Variants in ZNF14 observed in about 807,000 individuals in gnomAD.
The protein encoded by ZNF14 is gonadotropin inducible transcription repressor-4.
A neutral mutation model predicts 11.3 loss-of-function variants in ZNF14; 9 were observed. That is an observed-to-expected ratio of 0.80 (90% CI 0.48 to 1.39). The LOEUF (loss-of-function observed/expected upper bound fraction) is 1.39, where lower values mean the gene tolerates loss of function less well. Among genes scored for constraint, ZNF14 ranks in the 40% most tolerant of loss-of-function variants. The pLI is 0.00. For missense variants in ZNF14, 711 were observed against 763.9 expected, an observed-to-expected ratio of 0.93 and a Z score of 0.82; for synonymous variants, 239 against 245.7, an observed-to-expected ratio of 0.97 and a Z score of 0.25.
intron 1 of ZNF14, among the ~76,000 whole-genome samples, chr19:19,727,160 G>A (rs2062408688): frequency 7.5e-6 from 1 of 133,616 alleles, no homozygotes; most frequent in Non-Finnish European, 1.7e-5. Flanking sequence ...CTCATGCAGG[G>A]AGCTGTAGAC....
In ZNF14 at chr19:19,712,000, G is replaced by C. The variant is rs1261899358; in HGVS notation, c.1281C>G (p.Thr427=). ...TTTGAAGGGAACTTGAAAAACTGAA[G>C]GTTTTACCACATTGTTTACATTCAT... The part of the protein sequence containing the change: ...KPYECKQCGK[T]FSFSSSLQRH... The change falls in exon 4 of 4, where the codon ACC becomes ACG. Residue 427 remains threonine, a synonymous_variant. Coordinates refer to ENST00000344099, the MANE Select transcript of ZNF14 (RefSeq NM_021030.3). 2 of 1,613,564 alleles carry C rather than the reference G, an allele frequency of 1.2e-6. No homozygotes were observed. Among genetic ancestry groups the C allele is most frequent in the East Asian group, 4.5e-5 (2 of 44,848 alleles).
rs1179919887 is a variant in ZNF14 at position 19,727,301 on chromosome 19, C to A, written c.3+5655G>T. Among the ~76,000 whole-genome samples, 2 of 133,832 alleles carry A rather than the reference C, an allele frequency of 1.5e-5. 1 individual carries two copies. Among genetic ancestry groups the A allele is most frequent in the African/African-American group, 5.5e-5 (2 of 36,190 alleles). The allele number at this position is 133,832 out of a possible 152,430, so 87.8% of individuals were successfully genotyped here. On this transcript the variant is annotated intron_variant, in intron 1 of 3. Transcript: ENST00000344099. ...ATTAATATAAAACATAGGATTGACA[C>A]AAATAGACTAAAATAGTTAATTTTT...
rs1043692021 is a variant in ZNF14, at chr19:19,712,816, G to A, written c.465C>T (p.Cys155=). 5.0e-6 allele frequency: 8 copies of A among 1,614,050 alleles called. No homozygotes were observed. The African/African-American group carries it at 8.0e-5, about 16-fold the overall frequency. The change falls in exon 4 of 4, where the codon TGC becomes TGT. Residue 155 remains cysteine, a synonymous_variant. Transcript: ENST00000344099. ...TGTGAGTTCTTTCATGTTTGCGAAA[G>A]CAGTGGTGATAACTGAAGGTTTTCC... The part of the protein sequence containing the change: ...AVGKTFSYHH[C]FRKHERTHTG...
intron 1 of ZNF14, among the ~76,000 whole-genome samples, chr19:19,726,768 C>T (rs557217857): frequency 1.5e-5 from 2 of 133,510 alleles, no homozygotes; most frequent in South Asian, 4.9e-4. Flanking sequence ...TGTTTACCTA[C>T]TCAAGCCTCA....
intron 1 of ZNF14, among the ~76,000 whole-genome samples, chr19:19,719,301 A>T (rs147823251): frequency 1.3e-5 from 2 of 152,356 alleles, no homozygotes; most frequent in East Asian, 3.9e-4. Context: ...GAAGGGTATT[A>T]GAGAAAAAAT....
intron 1 of ZNF14, among the ~76,000 whole-genome samples, chr19:19,731,789 C>A (rs1362609834): frequency 6.6e-6 from 1 of 152,098 alleles, no homozygotes; most frequent in Admixed American, 6.5e-5. Flanking sequence ...ACCACTTAGC[C>A]GGGCGCGGTG....
intron 1 of ZNF14, among the ~76,000 whole-genome samples, chr19:19,717,425 C>A (rs1484452239): frequency 6.6e-6 from 1 of 151,968 alleles, no homozygotes; most frequent in Non-Finnish European, 1.5e-5. Context: ...TCTCAGAACC[C>A]CAATATTTAT....
In ZNF14 at chr19:19,712,806, G is replaced by T; in HGVS notation, c.475C>A (p.His159Asn). 1 of 1,614,174 alleles carries T rather than the reference G, an allele frequency of 6.2e-7. No homozygotes were observed. The highest frequency in any genetic ancestry group is 8.5e-7 in the Non-Finnish European group (1 of 1,180,024). The change falls in exon 4 of 4, where the codon CAT becomes AAT. Residue 159 changes from histidine to asparagine, a missense_variant. By Grantham distance (68) the His-to-Asn change is moderately conservative (BLOSUM62 1). Transcript: ENST00000344099. ...TTCACTCCAGTGTGAGTTCTTTCAT[G>T]TTTGCGAAAGCAGTGGTGATAACTG... ...TFSYHHCFRK[H>N]ERTHTGVKPY...
chr19:19,710,543 C>A lies in ZNF14; in HGVS notation c.*809G>T, dbSNP rs1481662615. 1 of 152,120 alleles carries A rather than the reference C, an allele frequency of 6.6e-6. No homozygotes were observed. The highest frequency in any genetic ancestry group is 1.9e-4 in the East Asian group (1 of 5,202). 9.4% of individuals were successfully genotyped at this position (152,120 alleles called of 1,614,324 possible). On this transcript the variant is annotated 3_prime_UTR_variant, in exon 4 of 4. Coordinates refer to ENST00000344099, the MANE Select transcript of ZNF14 (RefSeq NM_021030.3). ...TTCTTATTAAATATAACCTGACAAT[C>A]TTTATTAAATGAAAATATTTTTGTA...
chr19:19,712,691 T>C lies in ZNF14; in HGVS notation c.590A>G (p.Tyr197Cys), dbSNP rs765278993. ...GGTTTTTCCACATTGCTTACATTCA[T>C]AGGGTTTCTGTCCAGCATGAGTCCT... ...HERTHAGQKP[Y>C]ECKQCGKTFI... is the part of the protein sequence containing the mutation. The change falls in exon 4 of 4, where the codon TAT becomes TGT. Residue 197 changes from tyrosine to cysteine, a missense_variant. Physicochemically the swap from Tyr to Cys is radical, Grantham distance 194 (BLOSUM62 -2). Coordinates refer to ENST00000344099, the MANE Select transcript of ZNF14 (RefSeq NM_021030.3). 2.5e-6 allele frequency: 4 copies of C among 1,613,820 alleles called. No individual in the cohort carries two copies. Among genetic ancestry groups the C allele is most frequent in the Non-Finnish European group, 3.4e-6 (4 of 1,179,964 alleles).
In ZNF14 at chr19:19,733,012, C is replaced by A. The variant is rs962997936; in HGVS notation, c.-54G>T. 46 of 1,604,172 alleles carry A rather than the reference C, an allele frequency of 2.9e-5. No individual in the cohort carries two copies. The highest frequency in any genetic ancestry group is 1.7e-4 in the Middle Eastern group (1 of 6,024). The stretch of plus-strand genomic sequence containing the variant: ...CTCCCTACGGATCTGTCAGTACCTG[C>A]AGGTCACGGCGCGACAAAGGATGCG... On this transcript the variant is annotated 5_prime_UTR_variant, in exon 1 of 4. Coordinates refer to ENST00000344099, the MANE Select transcript of ZNF14 (RefSeq NM_021030.3).
chr19:19,728,534 A>AC (rs1185036454), intron 1 of ZNF14, among the ~76,000 whole-genome samples: 3 of 129,344 alleles, frequency 2.3e-5, no homozygotes, highest in Non-Finnish European at 5.1e-5. Context: ...AAAAAAAAAA[A>AC]AACATATACT....
At position 19,711,786 on chromosome 19, in the gene ZNF14, C is replaced by A; in HGVS notation, c.1495G>T (p.Gly499Ter). 1 of 1,613,606 alleles carries A rather than the reference C, an allele frequency of 6.2e-7. No individual in the cohort carries two copies. Among genetic ancestry groups the A allele is most frequent in the East Asian group, 2.2e-5 (1 of 44,876 alleles). ...AGTTTACATTCATAGGGTTTCTCTC[C>A]AGTGTGTGTTCTTTCATGCAGTCGA... ...SFRLHERTHT[G>*]EKPYECKLCG... Residue 499 changes from glycine to a stop codon, truncating the protein, a stop_gained, in exon 4 of 4, where the codon GGA becomes TGA. Coordinates refer to ENST00000344099, the MANE Select transcript of ZNF14 (RefSeq NM_021030.3). LOFTEE classifies it low-confidence loss of function (END_TRUNC).
chr19:19,711,042 G>A lies in ZNF14; in HGVS notation c.*310C>T, dbSNP rs2062357674. Reference sequence around the variant, plus strand: ...GCCTTGCACCTTGGCCTCCCAAAGTGCTGGGACTATAGGCATGAGCCAACA... The same window carrying A: ...GCCTTGCACCTTGGCCTCCCAAAGTACTGGGACTATAGGCATGAGCCAACA... On this transcript the variant is annotated 3_prime_UTR_variant, in exon 4 of 4. Coordinates refer to ENST00000344099, the MANE Select transcript of ZNF14 (RefSeq NM_021030.3). The A allele has an allele frequency of 4.0e-6, 1 of 250,774 alleles. No individual in the cohort carries two copies. Among genetic ancestry groups the A allele is most frequent in the Non-Finnish European group, 7.6e-6 (1 of 131,290 alleles). 15.5% of individuals were successfully genotyped at this position (250,774 alleles called of 1,614,324 possible).
chr19:19,724,489 G>T (rs1290573194), intron 1 of ZNF14, among the ~76,000 whole-genome samples: 1 of 133,866 alleles, frequency 7.5e-6, no homozygotes, highest in Admixed American at 7.4e-5. Context: ...GCTGAGGAGT[G>T]CTTTACTTCC....
chr19:19,714,711 T>TC (rs2062372835), intron 1 of ZNF14, among the ~76,000 whole-genome samples: 1 of 118,686 alleles, frequency 8.4e-6, no homozygotes, highest in African/African-American at 2.9e-5. Context: ...CTTTTTCTTT[T>TC]TCTTTTTTTT....
intron 1 of ZNF14, among the ~76,000 whole-genome samples, chr19:19,730,687 C>T (rs909388302): frequency 5.9e-5 from 9 of 152,038 alleles, no homozygotes; most frequent in East Asian, 1.9e-4. Flanking sequence ...CTGAGGCGGG[C>T]GGATCACCTG....
rs755735122 is a variant in ZNF14, at chr19:19,712,585, A to C, written c.696T>G (p.Phe232Leu). Residue 232 changes from phenylalanine (F) to leucine (L), a missense_variant, in exon 4 of 4, where the codon TTT (phenylalanine) becomes TTG (leucine). Transcript: ENST00000344099. ...GTCTTTGAAAAGATTGGTAACATAT[A>C]AAGGCTTTCCCACACTGTTTACATT... ...PYECKQCGKA[F>L]ICYQSFQRHK... The C allele has an allele frequency of 6.2e-7, 1 of 1,612,828 alleles. No homozygotes were observed. The highest frequency in any genetic ancestry group is 2.2e-5 in the East Asian group (1 of 44,856).
At position 19,712,478 on chromosome 19, in the gene ZNF14, G is replaced by A. The variant is rs1188725986; in HGVS notation, c.803C>T (p.Thr268Ile). ...TTCTCCAGTGTGAGTTCTTTCATGAGTTCGAAAGTATGTGGGACAACTGAA... is the reference window on the plus strand; with the variant it reads ...TTCTCCAGTGTGAGTTCTTTCATGAATTCGAAAGTATGTGGGACAACTGAA... ...KAFSCPTYFRTHERTHTGEKP... is the reference protein window; with the variant it reads ...KAFSCPTYFRIHERTHTGEKP... The change falls in exon 4 of 4, where the codon ACT (threonine) becomes ATT (isoleucine). Residue 268 changes from threonine (T) to isoleucine (I), a missense_variant. Transcript: ENST00000344099. 3 of 1,556,572 alleles carry A rather than the reference G, an allele frequency of 1.9e-6. No individual in the cohort carries two copies. The highest frequency in any genetic ancestry group is 2.4e-5 in the East Asian group (1 of 41,316).
Sources: allele counts gnomAD v4.1 joint callset (sites outside exome capture counted in the v4.1 genomes callset), GRCh38; gene constraint gnomAD v4.1.1; transcripts MANE v1.5; gene names NCBI Gene and HGNC (gene_info 2026-07-23, HGNC 2026-07-21).